Variants in ITGB6 observed in about 807,000 individuals in gnomAD.
The protein encoded by ITGB6 is integrin beta-6.
ITGB6 carries 80 observed loss-of-function variants against 84.5 expected under a neutral mutation model. That is an observed-to-expected ratio of 0.95 (90% CI 0.79 to 1.14). ITGB6 has a LOEUF of 1.14. ITGB6 is among the 50% of genes most tolerant of loss of function. The pLI, the probability that ITGB6 is intolerant of heterozygous loss-of-function variation, is 0.00. For synonymous variants in ITGB6, 383 were observed against 354.9 expected (o/e 1.08, Z -0.89); for missense variants, 1,006 against 968.0 (o/e 1.04, Z -0.52).
chr2:160,182,286 G>A (rs186009647), intron 4 of ITGB6, among the ~76,000 whole-genome samples: 2 of 152,284 alleles, frequency 1.3e-5, no homozygotes, highest in African/African-American at 4.8e-5. Flanking sequence ...AACCAGTCTA[G>A]AGAAGAACAT....
At chr2:160,166,099 T>C (rs1197397497) in intron 7 of ITGB6, among the ~76,000 whole-genome samples, 3 of 152,224 alleles carry the variant, frequency 2.0e-5, no homozygotes, top group Non-Finnish European at 4.4e-5. Context: ...CAGTTAATGA[T>C]TGAGGGTTTT....
At chr2:160,111,769 A>T (rs1574037470) in intron 13 of ITGB6, among the ~76,000 whole-genome samples, 1 of 151,956 alleles carries the variant, frequency 6.6e-6, no homozygotes, top group African/African-American at 2.4e-5. Context: ...TAGTAGAGAC[A>T]GGGTTTCACC....
chr2:160,200,218 A>G lies in ITGB6; in HGVS notation c.-155T>C, dbSNP rs557141133. The stretch of plus-strand genomic sequence containing the variant: ...TGAAAAGAAACTTGAGATATAAGTT[A>G]GAAAGTTTTCATTAAGACTGAAATG... On this transcript the variant is annotated 5_prime_UTR_variant, in exon 1 of 15. An upstream open reading frame in the 5' UTR loses its in-frame stop. Transcript: ENST00000283249. 3.1e-5 allele frequency: 19 copies of G among 605,406 alleles called. 1 individual carries two copies. The South Asian group carries it at 3.8e-4, about 12-fold the overall frequency. 37.5% of individuals were successfully genotyped at this position (605,406 alleles called of 1,614,324 possible). A position where few individuals can be genotyped will look rare whatever the true frequency, so the allele number is the denominator to read the frequency against.
At chr2:160,181,504 GA>G (rs1264919966) in intron 4 of ITGB6, among the ~76,000 whole-genome samples, 8 of 152,320 alleles carry the variant, frequency 5.3e-5, no homozygotes, top group African/African-American at 1.7e-4. Context: ...GCTTTTAGAT[GA>G]AACTCCCATC....
intron 7 of ITGB6, among the ~76,000 whole-genome samples, chr2:160,146,267 C>T (rs1326063531): frequency 2.0e-5 from 3 of 152,142 alleles, no homozygotes; most frequent in Non-Finnish European, 4.4e-5. Flanking sequence ...TTTTGATACA[C>T]ATATACCATG....
At chr2:160,198,452 A>G (rs1240141422) in intron 2 of ITGB6, among the ~76,000 whole-genome samples, 4 of 152,212 alleles carry the variant, frequency 2.6e-5, no homozygotes, top group South Asian at 4.1e-4. Context: ...GATTATCTTT[A>G]TGAGATCCAG....
chr2:160,101,502 G>A lies in ITGB6; in HGVS notation c.*234C>T, dbSNP rs143967561. 4,263 of 457,088 alleles carry A rather than the reference G, an allele frequency of 9.3e-3. 37 individuals carry two copies. The highest frequency in any genetic ancestry group is 0.012 in the Non-Finnish European group (3,209 of 259,584). 28.3% of individuals were successfully genotyped at this position (457,088 alleles called of 1,614,324 possible). ...TTTTTTGAAGCATTAATGCAACAGA[G>A]TTAGTATTCCTCAAATGATCCCCAA... On this transcript the variant is annotated 3_prime_UTR_variant, in exon 15 of 15. Coordinates refer to ENST00000283249, the MANE Select transcript of ITGB6 (RefSeq NM_000888.5).
At chr2:160,178,276 C>G (rs1390425325) in intron 4 of ITGB6, among the ~76,000 whole-genome samples, 1 of 152,164 alleles carries the variant, frequency 6.6e-6, no homozygotes, top group African/African-American at 2.4e-5. Flanking sequence ...GTTGCCATGA[C>G]GATTATATGA....
intron 10 of ITGB6, among the ~76,000 whole-genome samples, chr2:160,132,999 G>A (rs532136452): frequency 6.6e-6 from 1 of 152,016 alleles, no homozygotes; most frequent in African/African-American, 2.4e-5. Flanking sequence ...ATGAGTGAAG[G>A]CCCTGAAAGC....
chr2:160,199,290 A>C (rs376382041), intron 1 of ITGB6, 32 bp from the exon 2 acceptor site: 219 of 1,533,022 alleles, frequency 1.4e-4, no homozygotes, highest in Middle Eastern at 3.4e-4. Context: ...TGCAGGGATT[A>C]AGTACACTTT....
At chr2:160,167,687 G>A (rs939909674) in intron 7 of ITGB6, among the ~76,000 whole-genome samples, 2 of 152,210 alleles carry the variant, frequency 1.3e-5, no homozygotes, top group East Asian at 1.9e-4. Flanking sequence ...GACAGGCTCT[G>A]TTTTGCCATG....
intron 10 of ITGB6, among the ~76,000 whole-genome samples, chr2:160,129,406 A>AAG (rs1194217783): frequency 1.3e-4 from 20 of 151,696 alleles, no homozygotes; most frequent in South Asian, 1.0e-3. Context: ...AAAAAAAAAA[A>AAG]AAAAGAAATG....
At chr2:160,197,221 G>A (rs10205374) in intron 2 of ITGB6, among the ~76,000 whole-genome samples, 21,594 of 152,014 alleles carry the variant, frequency 0.14, 3,050 homozygotes, top group East Asian at 0.45. Flanking sequence ...GTGTGAACCC[G>A]GGAGGCAGAG....
At chr2:160,174,604 G>A (rs1215596657) in intron 4 of ITGB6, among the ~76,000 whole-genome samples, 1 of 152,152 alleles carries the variant, frequency 6.6e-6, no homozygotes, top group Admixed American at 6.5e-5. Context: ...AGGTCTGCCT[G>A]CCAAGGGCCC....
In ITGB6 at chr2:160,163,863, G is replaced by A. The variant is rs1684909516; in HGVS notation, c.1017+5349C>T. Among the ~76,000 whole-genome samples the A allele has an allele frequency of 2.6e-5, 4 of 152,034 alleles. No homozygotes were observed. In the South Asian group the frequency reaches 8.3e-4, roughly 32 times the overall value. Reference sequence around the variant, plus strand: ...TGAGTGCAAAATCCTGAACCTCCAGGGTGCCACCTAATAAGCTCTTGACAA... The same window carrying A: ...TGAGTGCAAAATCCTGAACCTCCAGAGTGCCACCTAATAAGCTCTTGACAA... On this transcript the variant is annotated intron_variant, in intron 7 of 14. Coordinates refer to ENST00000283249, the MANE Select transcript of ITGB6 (RefSeq NM_000888.5).
intron 2 of ITGB6, among the ~76,000 whole-genome samples, chr2:160,197,718 T>C (rs1040382841): frequency 6.6e-6 from 1 of 152,240 alleles, no homozygotes; most frequent in Non-Finnish European, 1.5e-5. Context: ...AACTGTAACT[T>C]CCCATGATGT....
At position 160,174,121 on chromosome 2, in the gene ITGB6, A is replaced by G. The variant is rs774933562; in HGVS notation, c.612T>C (p.Cys204=). The G allele has an allele frequency of 3.1e-6, 5 of 1,608,556 alleles. No individual in the cohort carries two copies. Among genetic ancestry groups the G allele is most frequent in the Non-Finnish European group, 4.2e-6 (5 of 1,178,480 alleles). ...TGTGCTTGAATCCAAATGTAGGTAA[A>G]CAGAAGTATGGAATACTACTGCAAA... ...ANPCSSIPYF[C]LPTFGFKHIL... Residue 204 remains cysteine, a synonymous_variant, in exon 5 of 15, where the codon TGT becomes TGC. Transcript: ENST00000283249.
intron 2 of ITGB6, among the ~76,000 whole-genome samples, chr2:160,197,781 G>C (rs994828244): frequency 6.6e-6 from 1 of 152,244 alleles, no homozygotes; most frequent in East Asian, 1.9e-4. Flanking sequence ...TCAACACAGT[G>C]TCATTGCTAT....
intron 14 of ITGB6, among the ~76,000 whole-genome samples, chr2:160,102,964 G>A (rs1339953655): frequency 1.3e-5 from 2 of 152,152 alleles, no homozygotes; most frequent in African/African-American, 4.8e-5. Flanking sequence ...CCTATTTATA[G>A]CTTTTCTTCA....
Sources: allele counts gnomAD v4.1 joint callset (sites outside exome capture counted in the v4.1 genomes callset), GRCh38; gene constraint gnomAD v4.1.1; transcripts MANE v1.5; gene names NCBI Gene and HGNC (gene_info 2026-07-23, HGNC 2026-07-21).